BORCS5: variants seen among roughly 807,000 people sequenced by gnomAD.
BORCS5 encodes the protein BLOC-1 related complex subunit 5.
A neutral mutation model predicts 22.1 loss-of-function variants in BORCS5; 17 were observed. The observed-to-expected ratio is 0.77, with a 90% CI of 0.53 to 1.15. The LOEUF (loss-of-function observed/expected upper bound fraction) is 1.15, where lower values mean the gene tolerates loss of function less well. BORCS5 is among the 50% of genes most tolerant of loss of function. BORCS5 has a pLI of 0.00. For synonymous variants in BORCS5, 117 were observed against 99.8 expected, an observed-to-expected ratio of 1.17 and a Z score of -1.03; for missense variants, 247 against 253.2, an observed-to-expected ratio of 0.98 and a Z score of 0.17.
rs1943211299 is a variant in BORCS5, at chr12:12,466,806, C to T, written c.*1030C>T. On this transcript the variant is annotated 3_prime_UTR_variant, in exon 4 of 4. Transcript: ENST00000314565. Reference sequence around the variant, plus strand: ...GCCAGGACGGCATGCAGGCCTGTACCCTGTTCCCTAAGTTCCTGCAAGCGT... The same window carrying T: ...GCCAGGACGGCATGCAGGCCTGTACTCTGTTCCCTAAGTTCCTGCAAGCGT... 1 of 152,182 alleles carries T rather than the reference C, an allele frequency of 6.6e-6. No individual in the cohort carries two copies. The highest frequency in any genetic ancestry group is 6.5e-5 in the Admixed American group (1 of 15,278). The allele number at this position is 152,182 out of a possible 1,614,324, so 9.4% of individuals were successfully genotyped here.
At chr12:12,398,610 T>C (rs780745953) in intron 2 of BORCS5, among the ~76,000 whole-genome samples, 1 of 152,130 alleles carries the variant, frequency 6.6e-6, no homozygotes, top group Non-Finnish European at 1.5e-5. Context: ...TTTGGCTCAA[T>C]ATAATGCTGC....
Position 12,468,252 on chromosome 12 carries a change from C to T in BORCS5, c.*2476C>T, listed in dbSNP as rs1943233987. 6.6e-6 allele frequency: 1 copy of T among 152,240 alleles called. No homozygotes were observed. The highest frequency in any genetic ancestry group is 1.5e-5 in the Non-Finnish European group (1 of 68,042). The allele number at this position is 152,240 out of a possible 1,614,324, so 9.4% of individuals were successfully genotyped here. The stretch of plus-strand genomic sequence containing the variant: ...GGTTCTTTTCTGATGGAACCTCTGA[C>T]TGGTAACATGGCATTACCAGTCCTT... On this transcript the variant is annotated 3_prime_UTR_variant, in exon 4 of 4. Transcript: ENST00000314565.
At chr12:12,423,592 C>T (rs191945809) in intron 2 of BORCS5, among the ~76,000 whole-genome samples, 2 of 151,298 alleles carry the variant, frequency 1.3e-5, no homozygotes, top group African/African-American at 4.8e-5. Flanking sequence ...CCTTATGGCC[C>T]CCTAGGTTTC....
intron 2 of BORCS5, among the ~76,000 whole-genome samples, chr12:12,422,292 T>A (rs1161348497): frequency 6.6e-6 from 1 of 152,138 alleles, no homozygotes; most frequent in Non-Finnish European, 1.5e-5. Flanking sequence ...CTTTTATTTT[T>A]TTTTTTAAGT....
rs972469701 is a variant in BORCS5 at position 12,467,230 on chromosome 12, A to T, written c.*1454A>T. On this transcript the variant is annotated 3_prime_UTR_variant, in exon 4 of 4. Transcript: ENST00000314565. ...CATCATTGTCTTTCTTCTGGAGTATACAGAACCTGGTTCTGAACACAGGGA... is the reference window on the plus strand; with the variant it reads ...CATCATTGTCTTTCTTCTGGAGTATTCAGAACCTGGTTCTGAACACAGGGA... 4.6e-5 allele frequency: 7 copies of T among 152,264 alleles called. No homozygotes were observed. Among genetic ancestry groups the T allele is most frequent in the African/African-American group, 1.7e-4 (7 of 41,468 alleles). 9.4% of individuals were successfully genotyped at this position (152,264 alleles called of 1,614,324 possible).
chr12:12,416,710 C>T (rs1286823584), intron 2 of BORCS5, among the ~76,000 whole-genome samples: 3 of 151,978 alleles, frequency 2.0e-5, no homozygotes, highest in Non-Finnish European at 4.4e-5. Flanking sequence ...ATCCTTCCAC[C>T]TCCGCCTACT....
chr12:12,382,192 C>A (rs372489791), intron 2 of BORCS5, among the ~76,000 whole-genome samples: 1 of 151,284 alleles, frequency 6.6e-6, no homozygotes, highest in Non-Finnish European at 1.5e-5. Flanking sequence ...AAGTGTGGCA[C>A]CAGCATCTGC....
At chr12:12,422,904 G>A (rs1942173983) in intron 2 of BORCS5, among the ~76,000 whole-genome samples, 1 of 150,558 alleles carries the variant, frequency 6.6e-6, no homozygotes, top group African/African-American at 2.4e-5. Context: ...AACGCAGAAA[G>A]CCAAAAGTGG....
At chr12:12,407,624 A>G (rs892569687) in intron 2 of BORCS5, among the ~76,000 whole-genome samples, 1 of 152,000 alleles carries the variant, frequency 6.6e-6, no homozygotes, top group African/African-American at 2.4e-5. Flanking sequence ...AGTCTATTAA[A>G]TAGTAATTTC....
At chr12:12,435,563 A>T in intron 2 of BORCS5, 65 bp from the exon 3 acceptor site, 1 of 1,375,332 alleles carries the variant, frequency 7.3e-7, no homozygotes, top group Non-Finnish European at 1.0e-6. Context: ...AACTTGTTAA[A>T]CTACTTTATT....
intron 3 of BORCS5, chr12:12,452,303 T>C: frequency 1.4e-6 from 1 of 738,688 alleles, no homozygotes; most frequent in South Asian, 1.3e-5. Flanking sequence ...TTGTCTCCAA[T>C]ACCATTCCCC....
intron 2 of BORCS5, among the ~76,000 whole-genome samples, chr12:12,372,989 T>TA (rs1380261725): frequency 1.7e-4 from 26 of 152,290 alleles, no homozygotes; most frequent in African/African-American, 5.3e-4. Flanking sequence ...TCCATTCTGC[T>TA]ATGGACTGAA....
intron 3 of BORCS5, among the ~76,000 whole-genome samples, chr12:12,451,553 A>G (rs959551638): frequency 8.6e-5 from 13 of 152,034 alleles, no homozygotes; most frequent in African/African-American, 2.9e-4. Flanking sequence ...TCACATAGGA[A>G]CTACTCAATT....
intron 2 of BORCS5, among the ~76,000 whole-genome samples, chr12:12,380,297 A>C (rs1333145170): frequency 6.6e-6 from 1 of 151,240 alleles, no homozygotes; most frequent in Non-Finnish European, 1.5e-5. Flanking sequence ...GTAAAAAAAA[A>C]CACAGTATCT....
rs1384740854 is a variant in BORCS5, at chr12:12,357,356, C to T, written c.-96C>T. ...CTGCGGCGCCCAGACTCTGCTTTGCCTCCCCGTCCCGGTCCCTGGCCCCTG... is the reference window on the plus strand; with the variant it reads ...CTGCGGCGCCCAGACTCTGCTTTGCTTCCCCGTCCCGGTCCCTGGCCCCTG... On this transcript the variant is annotated 5_prime_UTR_variant, in exon 1 of 4. Coordinates refer to ENST00000314565, the MANE Select transcript of BORCS5 (RefSeq NM_058169.6). The T allele has an allele frequency of 6.6e-6, 10 of 1,509,326 alleles. 1 individual carries two copies. In the South Asian group the frequency reaches 1.1e-4, roughly 17 times the overall value. 93.5% of individuals were successfully genotyped at this position (1,509,326 alleles called of 1,614,324 possible). A position where few individuals can be genotyped will look rare whatever the true frequency, so the allele number is the denominator to read the frequency against.
chr12:12,390,813 C>G (rs1472990062), intron 2 of BORCS5, among the ~76,000 whole-genome samples: 1 of 151,666 alleles, frequency 6.6e-6, no homozygotes, highest in African/African-American at 2.4e-5. Context: ...ATGGTCAAAG[C>G]AAAAGCAGTA....
At chr12:12,431,403 CT>C (rs386375632) in intron 2 of BORCS5, among the ~76,000 whole-genome samples, 237 of 121,094 alleles carry the variant, frequency 2.0e-3, no homozygotes, top group East Asian at 4.3e-3. Flanking sequence ...TTTGCTAATT[CT>C]TTTTTTTTTT....
chr12:12,399,578 T>C (rs1160910785), intron 2 of BORCS5, among the ~76,000 whole-genome samples: 2 of 152,230 alleles, frequency 1.3e-5, no homozygotes, highest in African/African-American at 4.8e-5. Flanking sequence ...TTACATGGCA[T>C]TGTTAAGCTT....
At chr12:12,358,546 C>T (rs920296502) in intron 1 of BORCS5, among the ~76,000 whole-genome samples, 2 of 152,214 alleles carry the variant, frequency 1.3e-5, no homozygotes. Flanking sequence ...ACATTCTTGC[C>T]TCTATGGCAG....
Sources: gnomAD v4.1 joint callset for allele counts (sites outside exome capture counted in the v4.1 genomes callset) on GRCh38, gnomAD v4.1.1 for gene constraint, MANE v1.5 for transcripts, NCBI Gene and HGNC (gene_info 2026-07-23, HGNC 2026-07-21) for gene names.